Variants in SYT16 observed in about 807,000 individuals in gnomAD.
SYT16 encodes the protein synaptotagmin 16.
Under a neutral mutation model 61.4 loss-of-function variants are expected in SYT16, and 42 were observed. The ratio of observed to expected loss-of-function variants is 0.68; its 90% confidence interval spans 0.53 to 0.89. SYT16 has a LOEUF of 0.89. SYT16 is among the 40% of genes least tolerant of loss of function. The probability of loss-of-function intolerance (pLI) is 0.00; values close to 1 mark genes in which losing one functional copy is unlikely to be tolerated. For synonymous variants in SYT16, 314 were observed against 302.3 expected (o/e 1.04, Z -0.40); for missense variants, 804 against 807.3 (o/e 1.00, Z 0.05).
At chr14:61,980,427 G>T (rs1220656577) in intron 2 of SYT16, among the ~76,000 whole-genome samples, 1 of 152,062 alleles carries the variant, frequency 6.6e-6, no homozygotes, top group Non-Finnish European at 1.5e-5. Context: ...ACTGGTTTTG[G>T]TTACTTGACT....
At chr14:61,985,995 G>T (rs2052291082) in intron 2 of SYT16, among the ~76,000 whole-genome samples, 1 of 152,128 alleles carries the variant, frequency 6.6e-6, no homozygotes, top group Non-Finnish European at 1.5e-5. Flanking sequence ...AGAGAACACT[G>T]ACAACTTACC....
In SYT16 at chr14:62,084,198, T is replaced by C; in HGVS notation, c.1437T>C (p.Ser479=). The change falls in exon 7 of 8, where the codon AGT becomes AGC. Residue 479 remains serine, a splice_region_variant and synonymous_variant. Transcript: ENST00000683842. The stretch of plus-strand genomic sequence containing the variant: ...TCTTTGTTGTTCTTCCCCTCCAGAG[T>C]GGAGGGTCTCCGCTCAGCCCATCTG... ...LVLEPRSNIS[S]GGSPLSPSAV... 1 of 1,613,178 alleles carries C rather than the reference T, an allele frequency of 6.2e-7. No homozygotes were observed. The highest frequency in any genetic ancestry group is 8.5e-7 in the Non-Finnish European group (1 of 1,179,616).
Position 62,092,225 on chromosome 14 carries a change from C to CACACAT in SYT16, c.1624+7842_1624+7843insACATAC, listed in dbSNP as rs1365679417. 1.0e-3 allele frequency among the ~76,000 whole-genome samples: 141 copies of CACACAT among 140,838 alleles called. No homozygotes were observed. In the Middle Eastern group the frequency reaches 0.011, roughly 11 times the overall value. 92.4% of individuals were successfully genotyped at this position (140,838 alleles called of 152,430 possible). On this transcript the variant is annotated intron_variant, in intron 7 of 7. Transcript: ENST00000683842. ...ACACACACACACACACACACACACA[C>CACACAT]ACTAACAAGTGTTAATGAGAATGTG...
At chr14:61,873,841 C>A (rs1382726480) in intron 1 of SYT16, among the ~76,000 whole-genome samples, 1 of 152,202 alleles carries the variant, frequency 6.6e-6, no homozygotes, top group East Asian at 1.9e-4. Flanking sequence ...GAAACCATAA[C>A]TGATGGCAGT....
intron 1 of SYT16, among the ~76,000 whole-genome samples, chr14:61,952,343 A>G (rs2050705756): frequency 1.3e-5 from 2 of 152,172 alleles, no homozygotes; most frequent in Non-Finnish European, 2.9e-5. Context: ...GAGAGTGGAG[A>G]ATAGCTGAAG....
In SYT16 at chr14:61,822,241, G is replaced by A. The variant is rs8005053; in HGVS notation, c.-325+9431G>A. Among the ~76,000 whole-genome samples the A allele has an allele frequency of 9.2e-3, 1,398 of 152,312 alleles. 25 individuals carry two copies. The highest frequency in any genetic ancestry group is 0.032 in the African/African-American group (1,329 of 41,570). On this transcript the variant is annotated intron_variant, in intron 1 of 7. Coordinates refer to ENST00000683842, the MANE Select transcript of SYT16 (RefSeq NM_001367656.1). ...AAAGCTGAAGAACCTGGAGTCTCAC[G>A]TCCAAGGGCAGGAGGAGAAAGTCCT...
chr14:61,848,568 G>A (rs553021065), intron 1 of SYT16, among the ~76,000 whole-genome samples: 4 of 152,186 alleles, frequency 2.6e-5, no homozygotes, highest in African/African-American at 7.2e-5. Flanking sequence ...CACTGTAGCC[G>A]CTACCTGGGT....
Position 62,053,373 on chromosome 14 carries a change from C to T in SYT16, c.524-16230C>T, listed in dbSNP as rs190499885. On this transcript the variant is annotated intron_variant, in intron 3 of 7. Transcript: ENST00000683842. ...GTATCTGGACTCTGACCGGAACTTA[C>T]GCTATTGGTTCCCCTGGTTCTCAGA... Among the ~76,000 whole-genome samples, 301 of 152,320 alleles carry T rather than the reference C, an allele frequency of 2.0e-3. 3 individuals carry two copies. Among genetic ancestry groups the T allele is most frequent in the Non-Finnish European group, 1.6e-3 (111 of 68,036 alleles).
intron 7 of SYT16, among the ~76,000 whole-genome samples, chr14:62,092,737 G>A (rs2057131562): frequency 6.6e-6 from 1 of 151,880 alleles, no homozygotes; most frequent in African/African-American, 2.4e-5. Flanking sequence ...AGAGGGAAAT[G>A]GGGAGTTATC....
At chr14:61,852,484 CA>C (rs1350132791) in intron 1 of SYT16, among the ~76,000 whole-genome samples, 2 of 152,154 alleles carry the variant, frequency 1.3e-5, no homozygotes, top group African/African-American at 4.8e-5. Context: ...ATAGGAATAG[CA>C]TTGAATCTAT....
At chr14:61,945,431 C>T (rs1191228797) in intron 1 of SYT16, among the ~76,000 whole-genome samples, 3 of 152,184 alleles carry the variant, frequency 2.0e-5, no homozygotes, top group Non-Finnish European at 4.4e-5. Flanking sequence ...AAGACACATG[C>T]ATACATATGT....
intron 1 of SYT16, among the ~76,000 whole-genome samples, chr14:61,930,986 A>G (rs1157890190): frequency 2.0e-5 from 3 of 152,222 alleles, no homozygotes; most frequent in Non-Finnish European, 4.4e-5. Flanking sequence ...TCTGACCTAC[A>G]GAACTGTAAG....
At chr14:62,060,222 C>A (rs1239188299) in intron 3 of SYT16, among the ~76,000 whole-genome samples, 1 of 151,928 alleles carries the variant, frequency 6.6e-6, no homozygotes, top group African/African-American at 2.4e-5. Context: ...ATATTGAGTC[C>A]TCTATTTTCT....
chr14:62,084,141 A>G (rs1566833471), intron 6 of SYT16, 55 bp from the exon 7 acceptor site: 2 of 1,561,186 alleles, frequency 1.3e-6, no homozygotes, highest in Non-Finnish European at 1.7e-6. Flanking sequence ...GGCTTTCTCT[A>G]AAAGAGAGTA....
intron 1 of SYT16, among the ~76,000 whole-genome samples, chr14:61,849,655 G>A (rs1448115852): frequency 6.8e-6 from 1 of 147,414 alleles, no homozygotes; most frequent in Non-Finnish European, 1.5e-5. Flanking sequence ...TCCCTCAAGT[G>A]CACAGATTCT....
intron 2 of SYT16, among the ~76,000 whole-genome samples, chr14:61,981,430 C>T (rs1230111399): frequency 1.3e-5 from 2 of 152,020 alleles, no homozygotes; most frequent in African/African-American, 2.4e-5. Context: ...AGAAAATCTT[C>T]ACTAAAAAAA....
intron 3 of SYT16, among the ~76,000 whole-genome samples, chr14:62,056,506 G>C (rs995293688): frequency 6.6e-6 from 1 of 152,164 alleles, no homozygotes; most frequent in Admixed American, 6.5e-5. Context: ...CTCCGTTTCC[G>C]GATGAATCCC....
intron 1 of SYT16, among the ~76,000 whole-genome samples, chr14:61,823,574 C>CAAAAAA (rs55935256): frequency 2.0e-4 from 14 of 71,038 alleles, no homozygotes; most frequent in South Asian, 5.6e-4. Context: ...ACTAAAAATA[C>CAAAAAA]AAAAAAAAAA....
At chr14:61,892,562 A>T (rs1181321952) in intron 1 of SYT16, among the ~76,000 whole-genome samples, 1 of 152,076 alleles carries the variant, frequency 6.6e-6, no homozygotes, top group African/African-American at 2.4e-5. Flanking sequence ...GCTGCTCCAG[A>T]CTTGTATCCC....
Sources: allele counts gnomAD v4.1 joint callset (sites outside exome capture counted in the v4.1 genomes callset), GRCh38; gene constraint gnomAD v4.1.1; transcripts MANE v1.5; gene names NCBI Gene and HGNC (gene_info 2026-07-23, HGNC 2026-07-21).